PLCL2: variants seen among roughly 807,000 people sequenced by gnomAD.
PLCL2 encodes the protein phospholipase C like 2, also known as inactive phospholipase C-like protein 2.
A neutral mutation model predicts 79.6 loss-of-function variants in PLCL2; 4 were observed. The ratio of observed to expected loss-of-function variants is 0.05; its 90% CI spans 0.02 to 0.11. The LOEUF (loss-of-function observed/expected upper bound fraction) is 0.11, where lower values mean the gene tolerates loss of function less well. Among genes scored for constraint, PLCL2 ranks in the 10% least tolerant of loss-of-function variants. The probability of loss-of-function intolerance (pLI) is 1.00; values close to 1 mark genes in which losing one functional copy is unlikely to be tolerated. For missense variants in PLCL2, 895 were observed against 1,291.0 expected (o/e 0.69, Z 4.70); for synonymous variants, 484 against 457.7 (o/e 1.06, Z -0.73).
At chr3:16,922,570 G>A (rs1697148154) in intron 1 of PLCL2, among the ~76,000 whole-genome samples, 1 of 152,100 alleles carries the variant, frequency 6.6e-6, no homozygotes, top group Non-Finnish European at 1.5e-5. Context: ...ATTTTTAACA[G>A]AGGGCTTAGA....
At chr3:17,016,307 A>T (rs149514839) in intron 3 of PLCL2, among the ~76,000 whole-genome samples, 1 of 152,244 alleles carries the variant, frequency 6.6e-6, no homozygotes, top group African/African-American at 2.4e-5. Context: ...ACCTTAAAAA[A>T]AGTGATATTT....
At chr3:16,953,546 G>A (rs1356040865) in intron 1 of PLCL2, among the ~76,000 whole-genome samples, 1 of 152,084 alleles carries the variant, frequency 6.6e-6, no homozygotes, top group Non-Finnish European at 1.5e-5. Context: ...ATGGATATAA[G>A]ACATTAATGT....
chr3:17,073,449 C>T (rs1024851499), intron 5 of PLCL2, among the ~76,000 whole-genome samples: 1 of 152,180 alleles, frequency 6.6e-6, no homozygotes, highest in African/African-American at 2.4e-5. Flanking sequence ...TGGAGGGTCT[C>T]ACCTCCATGT....
chr3:17,026,302 A>G (rs2064516843), intron 3 of PLCL2, among the ~76,000 whole-genome samples: 1 of 152,228 alleles, frequency 6.6e-6, no homozygotes, highest in South Asian at 2.1e-4. Flanking sequence ...AAGCTTAATT[A>G]CCAATTAGCT....
chr3:17,072,544 T>C (rs6775709), intron 5 of PLCL2, among the ~76,000 whole-genome samples: 65,995 of 151,272 alleles, frequency 0.44, 14,690 homozygotes, highest in East Asian at 0.58. Context: ...TGGCGGGTGC[T>C]TGTAATCCCA....
intron 1 of PLCL2, among the ~76,000 whole-genome samples, chr3:16,980,544 C>G (rs552879274): frequency 1.1e-4 from 16 of 151,406 alleles, no homozygotes; most frequent in Non-Finnish European, 2.2e-4. Flanking sequence ...GATGGGCGGC[C>G]GGGCAGAGAC....
chr3:16,893,746 A>T (rs1490585254), intron 1 of PLCL2, among the ~76,000 whole-genome samples: 2 of 152,252 alleles, frequency 1.3e-5, no homozygotes, highest in Non-Finnish European at 2.9e-5. Flanking sequence ...GATTAAAAAA[A>T]TAGCTATTTT....
intron 1 of PLCL2, among the ~76,000 whole-genome samples, chr3:16,969,299 A>G (rs2063835255): frequency 6.6e-6 from 1 of 152,078 alleles, no homozygotes; most frequent in Non-Finnish European, 1.5e-5. Context: ...GTTTTTTGTA[A>G]TAGTTTCAGT....
At chr3:17,045,694 G>A (rs1425598116) in intron 4 of PLCL2, among the ~76,000 whole-genome samples, 1 of 152,140 alleles carries the variant, frequency 6.6e-6, no homozygotes, top group African/African-American at 2.4e-5. Flanking sequence ...CATGTTGCTA[G>A]GAGTATATAA....
At chr3:16,925,908 G>A (rs1010414122) in intron 1 of PLCL2, among the ~76,000 whole-genome samples, 1 of 152,102 alleles carries the variant, frequency 6.6e-6, no homozygotes, top group African/African-American at 2.4e-5. Flanking sequence ...GAATTGATGG[G>A]TTCTATGGTA....
At position 17,063,894 on chromosome 3, in the gene PLCL2, C is replaced by T. The variant is rs77310622; in HGVS notation, c.3095-4062C>T. Among the ~76,000 whole-genome samples, 25 of 152,268 alleles carry T rather than the reference C, an allele frequency of 1.6e-4. No homozygotes were observed. The East Asian group carries it at 4.8e-3, about 29-fold the overall frequency. ...TTTTAAAACAAAACCAACTTGACTT[C>T]TTGAGGGAGTGGAGAGGGAGTGTGA... is the stretch of plus-strand genomic sequence containing the variant. On this transcript the variant is annotated intron_variant, in intron 4 of 5. Coordinates refer to ENST00000615277, the MANE Select transcript of PLCL2 (RefSeq NM_001144382.2).
chr3:16,997,063 A>G (rs1044473982), intron 1 of PLCL2, among the ~76,000 whole-genome samples: 1 of 152,250 alleles, frequency 6.6e-6, no homozygotes, highest in Non-Finnish European at 1.5e-5. Flanking sequence ...TTAAAAACAC[A>G]TATACCTTAC....
intron 1 of PLCL2, among the ~76,000 whole-genome samples, chr3:17,007,449 T>C (rs1373800284): frequency 6.6e-6 from 1 of 152,256 alleles, no homozygotes; most frequent in East Asian, 1.9e-4. Context: ...TTTAATATAA[T>C]GTATCTTACA....
chr3:16,961,870 T>C (rs2063758290), intron 1 of PLCL2, among the ~76,000 whole-genome samples: 1 of 152,180 alleles, frequency 6.6e-6, no homozygotes, highest in Non-Finnish European at 1.5e-5. Context: ...GGAAAGGGTC[T>C]GAGACAGCTC....
At chr3:16,960,482 G>T (rs554766325) in intron 1 of PLCL2, among the ~76,000 whole-genome samples, 1 of 152,282 alleles carries the variant, frequency 6.6e-6, no homozygotes, top group African/African-American at 2.4e-5. Flanking sequence ...CTGACTCTCA[G>T]GGCCCTTGGG....
intron 1 of PLCL2, among the ~76,000 whole-genome samples, chr3:16,935,481 A>T (rs183434927): frequency 5.4e-4 from 82 of 152,282 alleles, no homozygotes; most frequent in Admixed American, 1.0e-3. Context: ...TGGGATTTTT[A>T]TAAATATTCA....
At chr3:17,016,645 T>G (rs1337059629) in intron 3 of PLCL2, among the ~76,000 whole-genome samples, 3 of 152,184 alleles carry the variant, frequency 2.0e-5, no homozygotes. Flanking sequence ...CTGAGATTCC[T>G]TTGGTGGGGA....
intron 5 of PLCL2, among the ~76,000 whole-genome samples, chr3:17,085,224 TC>T (rs555881854): frequency 2.3e-3 from 348 of 152,166 alleles, no homozygotes; most frequent in African/African-American, 8.0e-3. Context: ...AGCCTTGACT[TC>T]CCTGGGCTCA....
chr3:16,989,392 T>C (rs2064081906), intron 1 of PLCL2, among the ~76,000 whole-genome samples: 1 of 152,122 alleles, frequency 6.6e-6, no homozygotes, highest in African/African-American at 2.4e-5. Context: ...TAGCCCCGCT[T>C]TGATTATTGA....
Sources: allele counts gnomAD v4.1 joint callset (sites outside exome capture counted in the v4.1 genomes callset), GRCh38; gene constraint gnomAD v4.1.1; transcripts MANE v1.5; gene names NCBI Gene and HGNC (gene_info 2026-07-23, HGNC 2026-07-21).